GRIK2: variants seen among roughly 807,000 people sequenced by gnomAD.
The protein encoded by GRIK2 is glutamate receptor ionotropic, kainate 2.
Under a neutral mutation model 100.3 loss-of-function variants are expected in GRIK2, and 32 were observed. That is an observed-to-expected ratio of 0.32 (90% CI 0.24 to 0.43). The LOEUF (loss-of-function observed/expected upper bound fraction) is 0.43. Among genes scored for constraint, GRIK2 ranks in the 20% least tolerant of loss-of-function variants. GRIK2 has a pLI of 1.00. For synonymous variants in GRIK2, 417 were observed against 389.4 expected, an observed-to-expected ratio of 1.07 and a Z score of -0.83; for missense variants, 843 against 1,114.9, an observed-to-expected ratio of 0.76 and a Z score of 3.47.
chr6:101,604,286 T>C (rs1461217166), intron 2 of GRIK2, among the ~76,000 whole-genome samples: 1 of 151,688 alleles, frequency 6.6e-6, no homozygotes, highest in Non-Finnish European at 1.5e-5. Context: ...ATATAACATA[T>C]AATATATAAT....
At chr6:101,588,680 A>G (rs551137474) in intron 2 of GRIK2, among the ~76,000 whole-genome samples, 2 of 141,544 alleles carry the variant, frequency 1.4e-5, no homozygotes, top group East Asian at 3.9e-4. Flanking sequence ...ACACACACAC[A>G]CACAGAAAAG....
At chr6:101,670,088 T>C (rs1582929048) in intron 4 of GRIK2, among the ~76,000 whole-genome samples, 1 of 151,928 alleles carries the variant, frequency 6.6e-6, no homozygotes, top group East Asian at 1.9e-4. Flanking sequence ...TAGTAAGCCA[T>C]TTTTTTTAAA....
At chr6:102,016,782 CA>C (rs1203520108) in intron 14 of GRIK2, among the ~76,000 whole-genome samples, 2 of 151,896 alleles carry the variant, frequency 1.3e-5, no homozygotes, top group Non-Finnish European at 2.9e-5. Context: ...AGAACTCCCA[CA>C]AAATATTTCA....
intron 7 of GRIK2, among the ~76,000 whole-genome samples, chr6:101,761,769 T>TTTCCTCCCTCCC (rs1777688504): frequency 8.1e-6 from 1 of 122,916 alleles, no homozygotes; most frequent in African/African-American, 3.9e-5. Context: ...ATGCCCCCAT[T>TTTCCTCCCTCCC]TCCCTCCCTC....
At chr6:101,744,564 ATTTCTT>A (rs1232236672) in intron 7 of GRIK2, 2 of 97,008 alleles carry the variant, frequency 2.1e-5, no homozygotes, top group African/African-American at 4.0e-5. Context: ...ATATATCACA[ATTTCTT>A]TTTCTTTTTC....
chr6:101,941,418 A>C (rs1235302215), intron 14 of GRIK2, among the ~76,000 whole-genome samples: 1 of 152,078 alleles, frequency 6.6e-6, no homozygotes, highest in African/African-American at 2.4e-5. Context: ...TGTTTGTCAC[A>C]TATATATTTT....
intron 2 of GRIK2, among the ~76,000 whole-genome samples, chr6:101,532,432 G>A (rs1240523082): frequency 2.0e-5 from 3 of 151,736 alleles, no homozygotes; most frequent in South Asian, 2.1e-4. Context: ...TATAAATTCC[G>A]ATAGAATAGA....
At chr6:102,024,451 A>ATCTG (rs1224890398) in intron 14 of GRIK2, among the ~76,000 whole-genome samples, 1 of 151,302 alleles carries the variant, frequency 6.6e-6, no homozygotes, top group African/African-American at 2.4e-5. Flanking sequence ...ACTGTTAAAC[A>ATCTG]TTTACTAGTT....
intron 14 of GRIK2, among the ~76,000 whole-genome samples, chr6:101,971,248 T>A (rs913409285): frequency 6.6e-6 from 1 of 152,046 alleles, no homozygotes; most frequent in Admixed American, 6.6e-5. Flanking sequence ...TATTATTTAG[T>A]TTTACAACCA....
intron 15 of GRIK2, among the ~76,000 whole-genome samples, chr6:102,052,580 T>C (rs896255048): frequency 6.6e-6 from 1 of 152,166 alleles, no homozygotes; most frequent in Non-Finnish European, 1.5e-5. Context: ...TAATGGAGAA[T>C]ATAGTGTTTG....
At chr6:101,674,569 T>C (rs1479297078) in intron 4 of GRIK2, among the ~76,000 whole-genome samples, 1 of 152,208 alleles carries the variant, frequency 6.6e-6, no homozygotes, top group African/African-American at 2.4e-5. Flanking sequence ...CAAGTTCAAG[T>C]ACCTATTTTT....
chr6:101,744,146 G>A (rs959084382), intron 7 of GRIK2, among the ~76,000 whole-genome samples: 1 of 151,960 alleles, frequency 6.6e-6, no homozygotes, highest in African/African-American at 2.4e-5. Flanking sequence ...GTTTCAACAT[G>A]TTGGCCAGGA....
At chr6:101,909,793 G>T (rs897230619) in intron 12 of GRIK2, among the ~76,000 whole-genome samples, 3 of 150,918 alleles carry the variant, frequency 2.0e-5, no homozygotes, top group Non-Finnish European at 3.0e-5. Context: ...ACAATGAATA[G>T]ATATATATAG....
At chr6:101,502,148 A>G (rs1773789906) in intron 2 of GRIK2, among the ~76,000 whole-genome samples, 1 of 152,154 alleles carries the variant, frequency 6.6e-6, no homozygotes, top group Non-Finnish European at 1.5e-5. Flanking sequence ...AATGAAATTG[A>G]TATAGGGAAG....
chr6:101,759,801 T>TA (rs11320536), intron 7 of GRIK2, among the ~76,000 whole-genome samples: 31 of 151,586 alleles, frequency 2.0e-4, no homozygotes, highest in Non-Finnish European at 4.1e-4. Flanking sequence ...TTTTAAAAAA[T>TA]AAAAAAAGGT....
At chr6:101,707,888 C>T (rs968818393) in intron 7 of GRIK2, among the ~76,000 whole-genome samples, 2 of 151,486 alleles carry the variant, frequency 1.3e-5, no homozygotes, top group Non-Finnish European at 3.0e-5. Flanking sequence ...AGCTCAATAA[C>T]GGGTTACAGT....
intron 2 of GRIK2, among the ~76,000 whole-genome samples, chr6:101,544,666 GCCT>G (rs2128289874): frequency 6.6e-6 from 1 of 152,210 alleles, no homozygotes; most frequent in South Asian, 2.1e-4. Flanking sequence ...ACCTTTGAGT[GCCT>G]CCTCTATGCT....
At chr6:102,026,960 T>C (rs538794385) in intron 14 of GRIK2, among the ~76,000 whole-genome samples, 13 of 151,356 alleles carry the variant, frequency 8.6e-5, no homozygotes, top group South Asian at 2.1e-4. Flanking sequence ...GTCAGATGAG[T>C]CCAGATAGGG....
chr6:101,745,503 G>A (rs1013129388), intron 7 of GRIK2, among the ~76,000 whole-genome samples: 1 of 152,120 alleles, frequency 6.6e-6, no homozygotes, highest in African/African-American at 2.4e-5. Context: ...TTCTCGTTGA[G>A]ATGGATTGAG....
Sources: gnomAD v4.1 joint callset for allele counts (sites outside exome capture counted in the v4.1 genomes callset) on GRCh38, gnomAD v4.1.1 for gene constraint, MANE v1.5 for transcripts, NCBI Gene and HGNC (gene_info 2026-07-23, HGNC 2026-07-21) for gene names.